Variants in SPTBN1 observed in about 807,000 individuals in gnomAD.
SPTBN1 encodes the protein spectrin beta chain, non-erythrocytic 1.
In SPTBN1, 32 loss-of-function variants were observed where a neutral mutation model predicts 266.4. That is an observed-to-expected ratio of 0.12 (90% confidence interval 0.09 to 0.16). The LOEUF (loss-of-function observed/expected upper bound fraction) is 0.16, where lower values mean the gene tolerates loss of function less well. SPTBN1 is among the 10% of genes least tolerant of loss of function. SPTBN1 has a pLI of 1.00. For missense variants in SPTBN1, 2,296 were observed against 3,067.1 expected (o/e 0.75, Z 5.94); for synonymous variants, 1,336 against 1,162.2 (o/e 1.15, Z -3.04).
At chr2:54,587,441 T>A (rs1675366788) in intron 2 of SPTBN1, among the ~76,000 whole-genome samples, 1 of 152,350 alleles carries the variant, frequency 6.6e-6, no homozygotes. Context: ...CGTGTTAACG[T>A]TCTGCCATTC....
At chr2:54,571,562 C>CACACACACAT (rs1426898722) in intron 2 of SPTBN1, among the ~76,000 whole-genome samples, 1 of 73,022 alleles carries the variant, frequency 1.4e-5, no homozygotes, top group African/African-American at 5.9e-5. Flanking sequence ...CACACACACA[C>CACACACACAT]ACACACACAC....
At chr2:54,622,190 A>T (rs1264356783) in intron 8 of SPTBN1, 110 bp from the exon 9 acceptor site, 2 of 1,213,192 alleles carry the variant, frequency 1.6e-6, no homozygotes, top group African/African-American at 3.1e-5. Flanking sequence ...GAGCTGGCCA[A>T]ACTGTTTCAA....
In SPTBN1 at chr2:54,653,861, T is replaced by C. The variant is rs1296253482; in HGVS notation, c.5822+8T>C. 6 of 1,605,146 alleles carry C rather than the reference T, an allele frequency of 3.7e-6. No homozygotes were observed. Among genetic ancestry groups the C allele is most frequent in the Non-Finnish European group, 5.1e-6 (6 of 1,177,890 alleles). ...GGCCCAGGAGAAGCCAAGGTAACGC[T>C]TTCAGCCCAAAGGAAATTGGACTTA... On this transcript the variant is annotated splice_region_variant and intron_variant, in intron 27 of 35. Coordinates refer to ENST00000356805, the MANE Select transcript of SPTBN1 (RefSeq NM_003128.3). The surrounding 1 kb of genome is among the most constrained non-coding windows in gnomAD (Gnocchi z 5.1).
intron 17 of SPTBN1, among the ~76,000 whole-genome samples, chr2:54,636,369 T>C (rs1007298314): frequency 6.6e-6 from 1 of 152,220 alleles, no homozygotes; most frequent in African/African-American, 2.4e-5. Context: ...ATAAATTATA[T>C]ATGATGTTAT....
intron 1 of SPTBN1, among the ~76,000 whole-genome samples, chr2:54,493,957 C>T (rs921717303): frequency 1.3e-5 from 2 of 152,166 alleles, no homozygotes; most frequent in Non-Finnish European, 2.9e-5. Context: ...ACTTGGAACA[C>T]ATGCAAAGAA....
In SPTBN1 at chr2:54,594,311, A is replaced by G. The variant is rs375747821; in HGVS notation, c.149-4781A>G. Among the ~76,000 whole-genome samples, 16 of 152,266 alleles carry G rather than the reference A, an allele frequency of 1.1e-4. No homozygotes were observed. In the South Asian group the frequency reaches 3.3e-3, roughly 32 times the overall value. ...TCCTCATTTGTGGATTCAGCTGACAACAGAACGAAAATATTTGAAAAAAAA... is the reference window on the plus strand; with the variant it reads ...TCCTCATTTGTGGATTCAGCTGACAGCAGAACGAAAATATTTGAAAAAAAA... On this transcript the variant is annotated intron_variant, in intron 2 of 35. Coordinates refer to ENST00000356805, the MANE Select transcript of SPTBN1 (RefSeq NM_003128.3).
intron 2 of SPTBN1, among the ~76,000 whole-genome samples, chr2:54,588,906 GTTTT>G (rs1215240084): frequency 6.6e-6 from 1 of 151,472 alleles, no homozygotes; most frequent in Non-Finnish European, 1.5e-5. Flanking sequence ...TACACTATTG[GTTTT>G]TTTTGTTTTG....
intron 2 of SPTBN1, among the ~76,000 whole-genome samples, chr2:54,576,992 G>C (rs1674530338): frequency 6.6e-6 from 1 of 152,120 alleles, no homozygotes; most frequent in South Asian, 2.1e-4. Flanking sequence ...TGTACAGAGG[G>C]AGTCATGAAA....
At chr2:54,508,521 G>C (rs1256359855) in intron 1 of SPTBN1, among the ~76,000 whole-genome samples, 2 of 141,464 alleles carry the variant, frequency 1.4e-5, no homozygotes, top group Non-Finnish European at 2.9e-5. Flanking sequence ...TAAGAGGTGG[G>C]CTAGCGGGTT....
At chr2:54,491,839 A>G (rs998263285) in intron 1 of SPTBN1, among the ~76,000 whole-genome samples, 3 of 152,134 alleles carry the variant, frequency 2.0e-5, no homozygotes, top group African/African-American at 7.2e-5. Flanking sequence ...AGGCTCAGGC[A>G]GTCCTCCACC....
intron 1 of SPTBN1, among the ~76,000 whole-genome samples, chr2:54,472,350 A>T (rs1007707131): frequency 6.6e-6 from 1 of 152,098 alleles, no homozygotes; most frequent in Non-Finnish European, 1.5e-5. Context: ...TAAAAGTCCT[A>T]TATTTTATAT....
chr2:54,608,549 A>G (rs1677002649), intron 3 of SPTBN1, among the ~76,000 whole-genome samples: 1 of 152,106 alleles, frequency 6.6e-6, no homozygotes, highest in African/African-American at 2.4e-5. Flanking sequence ...TGAGATGGTG[A>G]CATCAGCTCC....
At chr2:54,491,064 T>G (rs889579032) in intron 1 of SPTBN1, among the ~76,000 whole-genome samples, 12 of 152,168 alleles carry the variant, frequency 7.9e-5, no homozygotes, top group Admixed American at 2.0e-4. Flanking sequence ...GAGGATGGAT[T>G]TCAGTTGGGC....
At chr2:54,565,168 A>C (rs1197876466) in intron 2 of SPTBN1, among the ~76,000 whole-genome samples, 1 of 152,224 alleles carries the variant, frequency 6.6e-6, no homozygotes, top group Non-Finnish European at 1.5e-5. Context: ...TCTGGTGCAC[A>C]CTAAAATTTG....
At chr2:54,560,187 T>TGGGGGG (rs138411199) in intron 2 of SPTBN1, among the ~76,000 whole-genome samples, 9 of 114,078 alleles carry the variant, frequency 7.9e-5, no homozygotes, top group South Asian at 3.0e-4. Context: ...GGAGTTGGGG[T>TGGGGGG]GGGGGGGGGC....
At chr2:54,661,783 C>T in intron 32 of SPTBN1, 1 of 985,280 alleles carries the variant, frequency 1.0e-6, no homozygotes, top group Non-Finnish European at 1.2e-6. Flanking sequence ...AGGACTGACA[C>T]CCAATTTGAC....
At chr2:54,478,397 A>G (rs527657782) in intron 1 of SPTBN1, among the ~76,000 whole-genome samples, 1 of 152,208 alleles carries the variant, frequency 6.6e-6, no homozygotes, top group East Asian at 1.9e-4. Context: ...GGACCTGGTC[A>G]AATGTTGGGG....
rs781716533 is a variant in SPTBN1 at position 54,621,519 on chromosome 2, TG to T, written c.876+9del. The T allele has an allele frequency of 6.2e-7, 1 of 1,607,292 alleles. No homozygotes were observed. Among genetic ancestry groups the T allele is most frequent in the African/African-American group, 1.3e-5 (1 of 74,766 alleles). On this transcript the variant is annotated splice_region_variant and intron_variant, in intron 8 of 35. Transcript: ENST00000356805. Reference sequence around the variant, plus strand: ...AGGAAAACGAATTGGAAAGGTGAGCTGGTGCCAATTTTGTGAGTTGTGAGAC... The same window carrying T: ...AGGAAAACGAATTGGAAAGGTGAGCTGTGCCAATTTTGTGAGTTGTGAGAC...
In SPTBN1 at chr2:54,631,902, A is replaced by G. The variant is rs182252129; in HGVS notation, c.3564+291A>G. 1.7e-3 allele frequency among the ~76,000 whole-genome samples: 262 copies of G among 152,136 alleles called. 2 individuals are homozygous for G. The highest frequency in any genetic ancestry group is 5.5e-3 in the African/African-American group (229 of 41,508). On this transcript the variant is annotated intron_variant, in intron 16 of 35. Transcript: ENST00000356805. The stretch of plus-strand genomic sequence containing the variant: ...CATAGTATGTCTTCATAATTGAGGT[A>G]TTGATCCAATTTAAAAGATACAGTG...
Sources: gnomAD v4.1 joint callset for allele counts (sites outside exome capture counted in the v4.1 genomes callset) on GRCh38, gnomAD v4.1.1 for gene constraint, Gnocchi (gnomAD v3.1) non-coding constraint, MANE v1.5 for transcripts, NCBI Gene and HGNC (gene_info 2026-07-23, HGNC 2026-07-21) for gene names.